Variants in NRXN3 observed in about 807,000 individuals in gnomAD.
NRXN3 encodes neurexin III.
Under a neutral mutation model 137.6 loss-of-function variants are expected in NRXN3, and 32 were observed. That is an observed-to-expected ratio of 0.23 (90% CI 0.18 to 0.31). The LOEUF (loss-of-function observed/expected upper bound fraction) is 0.31, where lower values mean the gene tolerates loss of function less well. Among genes scored for constraint, NRXN3 ranks in the 10% least tolerant of loss-of-function variants. The pLI is 1.00. For synonymous variants in NRXN3, 798 were observed against 784.5 expected, an observed-to-expected ratio of 1.02 and a Z score of -0.29; for missense variants, 1,574 against 2,062.5, an observed-to-expected ratio of 0.76 and a Z score of 4.59.
chr14:79,562,018 A>G (rs1442432041), intron 16 of NRXN3, among the ~76,000 whole-genome samples: 5 of 152,146 alleles, frequency 3.3e-5, no homozygotes, highest in Non-Finnish European at 7.4e-5. Context: ...TTATTTTCTA[A>G]AAGTAGTCTA....
intron 16 of NRXN3, among the ~76,000 whole-genome samples, chr14:79,618,125 T>C (rs962494950): frequency 2.6e-5 from 4 of 152,122 alleles, no homozygotes; most frequent in Non-Finnish European, 4.4e-5. Context: ...AGTAAGATAA[T>C]ATTCCTGTTT....
chr14:78,210,453 C>T (rs376671962), intron 1 of NRXN3, among the ~76,000 whole-genome samples: 16 of 152,170 alleles, frequency 1.1e-4, no homozygotes, highest in African/African-American at 3.9e-4. Context: ...GCATTCAGGC[C>T]ATAACACTGC....
chr14:78,455,683 T>A (rs992497651), intron 4 of NRXN3, among the ~76,000 whole-genome samples: 8 of 152,158 alleles, frequency 5.3e-5, no homozygotes, highest in Admixed American at 2.6e-4. Flanking sequence ...AAGAAGTCGA[T>A]TAGTACTGCT....
chr14:79,157,190 C>T (rs1409515869), intron 15 of NRXN3, among the ~76,000 whole-genome samples: 4 of 151,764 alleles, frequency 2.6e-5, no homozygotes, highest in African/African-American at 9.7e-5. Context: ...TTAATAAAAC[C>T]TCTTTTAATA....
At position 79,467,226 on chromosome 14, in the gene NRXN3, G is replaced by C. The variant is rs373319691; in HGVS notation, c.3268G>C (p.Ala1090Pro). 2.6e-5 allele frequency: 42 copies of C among 1,596,628 alleles called. No homozygotes were observed. The highest frequency in any genetic ancestry group is 3.6e-5 in the Non-Finnish European group (42 of 1,166,036). ...YSGNQCNDPG[A>P]TYIFGKSGGL... ...CTCTCTCCTTGCTTTTGCAGCTGGCGCTACGTACATCTTTGGGAAAAGTGG... is the reference window on the plus strand; with the variant it reads ...CTCTCTCCTTGCTTTTGCAGCTGGCCCTACGTACATCTTTGGGAAAAGTGG... The change falls in exon 16 of 21, where the codon GCT becomes CCT. Residue 1090 changes from alanine to proline, a missense_variant. By Grantham distance (27) the Ala-to-Pro change is conservative. Around this residue, in one of 5 missense-constraint regions of NRXN3, gnomAD observed 718 missense variants for 887.6 expected, o/e 0.81. Transcript: ENST00000335750.
intron 4 of NRXN3, among the ~76,000 whole-genome samples, chr14:78,434,117 A>G (rs1318465388): frequency 1.3e-5 from 2 of 152,152 alleles, no homozygotes; most frequent in African/African-American, 4.8e-5. Flanking sequence ...TATCTCATGT[A>G]ATTTATCGAA....
In NRXN3 at chr14:78,266,514, G is replaced by T. The variant is rs188016562; in HGVS notation, c.710-12131G>T. ...GGGTTTCACCTTGTTGGCCAGGATGGTCTTGATCTCCTGACCTCATGATCC... is the reference window on the plus strand; with the variant it reads ...GGGTTTCACCTTGTTGGCCAGGATGTTCTTGATCTCCTGACCTCATGATCC... On this transcript the variant is annotated intron_variant, in intron 2 of 20. Coordinates refer to ENST00000335750, the MANE Select transcript of NRXN3 (RefSeq NM_001330195.2). Among the ~76,000 whole-genome samples the T allele has an allele frequency of 1.2e-4, 19 of 152,264 alleles. No individual in the cohort carries two copies. The East Asian group carries it at 3.7e-3, about 29-fold the overall frequency.
At chr14:78,582,275 T>C (rs1386611998) in intron 4 of NRXN3, among the ~76,000 whole-genome samples, 1 of 152,220 alleles carries the variant, frequency 6.6e-6, no homozygotes, top group Non-Finnish European at 1.5e-5. Flanking sequence ...TGGTGTGTTC[T>C]CCTCTCCCAC....
chr14:78,754,484 T>C (rs555162408), intron 8 of NRXN3, among the ~76,000 whole-genome samples: 1 of 152,366 alleles, frequency 6.6e-6, no homozygotes, highest in African/African-American at 2.4e-5. Flanking sequence ...TCACATATTT[T>C]CTCAAACACA....
intron 4 of NRXN3, among the ~76,000 whole-genome samples, chr14:78,298,888 C>T (rs1429741740): frequency 2.0e-5 from 3 of 152,182 alleles, no homozygotes; most frequent in South Asian, 4.1e-4. Context: ...GGGACTTCCC[C>T]TCCCCTGCTC....
intron 19 of NRXN3, among the ~76,000 whole-genome samples, chr14:79,794,530 C>T (rs1190370644): frequency 6.6e-6 from 1 of 152,208 alleles, no homozygotes; most frequent in Non-Finnish European, 1.5e-5. Context: ...ATTGCCTTCT[C>T]TCTGTCTTCT....
intron 16 of NRXN3, among the ~76,000 whole-genome samples, chr14:79,610,017 C>T (rs888143558): frequency 1.3e-5 from 2 of 152,010 alleles, no homozygotes; most frequent in Non-Finnish European, 2.9e-5. Context: ...TTGATGGGTG[C>T]AGCAAACCAC....
chr14:78,635,538 G>A (rs1349674958), intron 4 of NRXN3, among the ~76,000 whole-genome samples: 1 of 151,982 alleles, frequency 6.6e-6, no homozygotes, highest in Non-Finnish European at 1.5e-5. Context: ...AATTTTGTTT[G>A]TATGAAAATT....
At chr14:78,209,873 A>G (rs900411336) in intron 1 of NRXN3, among the ~76,000 whole-genome samples, 9 of 151,768 alleles carry the variant, frequency 5.9e-5, no homozygotes, top group Admixed American at 3.9e-4. Context: ...CTACTTTATT[A>G]TTTTTTCCTG....
At chr14:79,653,118 T>C (rs144676227) in intron 16 of NRXN3, among the ~76,000 whole-genome samples, 86 of 152,180 alleles carry the variant, frequency 5.7e-4, no homozygotes, top group Middle Eastern at 3.4e-3. Context: ...GGCCATTTTG[T>C]TTATGATAAC....
chr14:78,576,028 A>C (rs80079773), intron 4 of NRXN3, among the ~76,000 whole-genome samples: 5,090 of 152,330 alleles, frequency 0.033, 104 homozygotes, highest in African/African-American at 0.052. Flanking sequence ...ACTGATGGAG[A>C]AATATTCATG....
intron 19 of NRXN3, among the ~76,000 whole-genome samples, chr14:79,734,702 TC>T (rs1194136823): frequency 2.6e-5 from 4 of 152,176 alleles, no homozygotes; most frequent in Admixed American, 2.6e-4. Context: ...ATTCTCACAC[TC>T]AATTAAAAAA....
chr14:79,342,588 A>T (rs2092667202), intron 15 of NRXN3, among the ~76,000 whole-genome samples: 1 of 152,204 alleles, frequency 6.6e-6, no homozygotes, highest in African/African-American at 2.4e-5. Context: ...TAAAATTTTA[A>T]GTCTGCTGAA....
chr14:79,511,906 C>A (rs1601464804), intron 16 of NRXN3, among the ~76,000 whole-genome samples: 1 of 152,212 alleles, frequency 6.6e-6, no homozygotes. Context: ...TGTTGTTGTT[C>A]TTGTTGTTGT....
Sources: allele counts gnomAD v4.1 joint callset (sites outside exome capture counted in the v4.1 genomes callset), GRCh38; gene constraint gnomAD v4.1.1; regional missense constraint gnomAD v4.1.1; transcripts MANE v1.5; gene names NCBI Gene and HGNC (gene_info 2026-07-23, HGNC 2026-07-21).